PROM1: variants seen among roughly 807,000 people sequenced by gnomAD.
The protein encoded by PROM1 is prominin-1.
In PROM1, 105 loss-of-function variants were observed where a neutral mutation model predicts 116.9. That is an observed-to-expected ratio of 0.90 (90% CI 0.77 to 1.06). The LOEUF is 1.06. Among genes scored for constraint, PROM1 ranks in the 50% least tolerant of loss-of-function variants. PROM1 has a pLI of 0.00. For synonymous variants in PROM1, 393 were observed against 387.0 expected, an observed-to-expected ratio of 1.02 and a Z score of -0.18; for missense variants, 1,122 against 1,045.2, an observed-to-expected ratio of 1.07 and a Z score of -1.01.
intron 2 of PROM1, among the ~76,000 whole-genome samples, chr4:16,062,300 A>G (rs141884588): frequency 1.3e-5 from 2 of 152,328 alleles, no homozygotes; most frequent in Admixed American, 1.3e-4. Flanking sequence ...GTTTCTAAAT[A>G]AAGTCACATC....
chr4:16,080,408 G>T (rs544507620), intron 1 of PROM1, among the ~76,000 whole-genome samples: 1 of 151,924 alleles, frequency 6.6e-6, no homozygotes, highest in South Asian at 2.1e-4. Context: ...TGTAGTCCCA[G>T]CTACTCGGGA....
intron 8 of PROM1, among the ~76,000 whole-genome samples, chr4:16,022,513 G>A (rs2677791): frequency 0.15 from 23,201 of 152,114 alleles, 1,963 homozygotes; most frequent in African/African-American, 0.22. Context: ...CTCAGTTGTT[G>A]AACTATAAGG....
Position 15,987,675 on chromosome 4 carries a change from C to T in PROM1, c.2118G>A (p.Gly706=). 1 of 1,611,352 alleles carries T rather than the reference C, an allele frequency of 6.2e-7. No individual in the cohort carries two copies. Among genetic ancestry groups the T allele is most frequent in the Non-Finnish European group, 8.5e-7 (1 of 1,178,980 alleles). ...YQSVKILQRT[G]NGLLERVTRI... is the part of the protein sequence containing the mutation. ...AGTAAACCCTTACCAACAATCCATT[C>T]CCTGTGCGTTGAAGTATCTTGACGC... The change falls in exon 20 of 28, where the codon GGG becomes GGA. Residue 706 remains glycine, a synonymous_variant. Coordinates refer to ENST00000447510, the MANE Select transcript of PROM1 (RefSeq NM_006017.3).
At chr4:16,021,580 T>G (rs945412969) in intron 8 of PROM1, among the ~76,000 whole-genome samples, 1 of 152,200 alleles carries the variant, frequency 6.6e-6, no homozygotes, top group Non-Finnish European at 1.5e-5. Flanking sequence ...AAAGATCTTG[T>G]TCAATATTGC....
At chr4:16,065,114 G>C (rs1016183717) in intron 2 of PROM1, among the ~76,000 whole-genome samples, 4 of 152,114 alleles carry the variant, frequency 2.6e-5, no homozygotes, top group Admixed American at 6.5e-5. Context: ...CCTTCATGTT[G>C]CTTTGGCAGG....
chr4:16,040,065 G>A (rs943546749), intron 2 of PROM1, among the ~76,000 whole-genome samples: 1 of 152,162 alleles, frequency 6.6e-6, no homozygotes, highest in Non-Finnish European at 1.5e-5. Context: ...AGGAGCTTCT[G>A]CAGTGCTATC....
At chr4:16,055,452 A>G (rs374687158) in intron 2 of PROM1, 18 of 455,948 alleles carry the variant, frequency 3.9e-5, no homozygotes, top group African/African-American at 1.2e-4. Flanking sequence ...GTTCTCATCT[A>G]CAAAATGGAA....
intron 10 of PROM1, among the ~76,000 whole-genome samples, chr4:16,014,211 T>C (rs1560486204): frequency 6.6e-6 from 1 of 152,242 alleles, no homozygotes; most frequent in East Asian, 1.9e-4. Context: ...ATAAGACTTA[T>C]GGTGCCAGCC....
At chr4:16,044,739 A>G (rs1256261762) in intron 2 of PROM1, among the ~76,000 whole-genome samples, 2 of 152,232 alleles carry the variant, frequency 1.3e-5, no homozygotes, top group Non-Finnish European at 2.9e-5. Context: ...TTAAAATGCA[A>G]CTATAATTGT....
At chr4:16,062,281 G>A (rs377355403) in intron 2 of PROM1, among the ~76,000 whole-genome samples, 3 of 152,136 alleles carry the variant, frequency 2.0e-5, no homozygotes, top group Non-Finnish European at 2.9e-5. Context: ...TTTCATCTGC[G>A]ACAACCTTGT....
chr4:16,054,290 C>G (rs751015686), intron 2 of PROM1, among the ~76,000 whole-genome samples: 1 of 152,148 alleles, frequency 6.6e-6, no homozygotes, highest in African/African-American at 2.4e-5. Flanking sequence ...ACCCCTTTTA[C>G]GCGGCCTCCA....
intron 11 of PROM1, among the ~76,000 whole-genome samples, 193 bp downstream of exon 11, chr4:16,013,082 T>C (rs995408893): frequency 7.2e-5 from 11 of 152,180 alleles, no homozygotes; most frequent in South Asian, 4.1e-4. Flanking sequence ...TGTTTATCAG[T>C]GTTCAATAAC....
chr4:16,081,935 A>T (rs1745122700), intron 1 of PROM1, among the ~76,000 whole-genome samples: 2 of 151,700 alleles, frequency 1.3e-5, no homozygotes, highest in South Asian at 4.2e-4. Flanking sequence ...GAATAAACTA[A>T]AGGGCACTGC....
At chr4:16,082,433 T>A (rs939569661) in intron 1 of PROM1, 1 of 152,076 alleles carries the variant, frequency 6.6e-6, no homozygotes. Flanking sequence ...CCAGCAAACC[T>A]TTCTCCAGAA....
chr4:16,042,754 C>T (rs906345287), intron 2 of PROM1, among the ~76,000 whole-genome samples: 2 of 152,072 alleles, frequency 1.3e-5, no homozygotes, highest in African/African-American at 4.8e-5. Context: ...GAAAAATATC[C>T]ACAATTATCT....
intron 2 of PROM1, among the ~76,000 whole-genome samples, chr4:16,044,325 C>T (rs1219329082): frequency 6.6e-6 from 1 of 152,186 alleles, no homozygotes. Flanking sequence ...AACTTAAAAT[C>T]CCCTGTTGTT....
At chr4:16,015,961 C>A (rs1211972990) in intron 10 of PROM1, among the ~76,000 whole-genome samples, 5 of 152,088 alleles carry the variant, frequency 3.3e-5, no homozygotes, top group Non-Finnish European at 5.9e-5. Context: ...TCTTAGCATG[C>A]CACTTCACAC....
intron 2 of PROM1, among the ~76,000 whole-genome samples, chr4:16,044,357 G>A (rs138804782): frequency 3.3e-5 from 5 of 152,330 alleles, no homozygotes; most frequent in Admixed American, 2.6e-4. Flanking sequence ...TATCAGATTT[G>A]TGCCAAGCTT....
In PROM1 at chr4:15,992,228, C is replaced by T; in HGVS notation, c.1911+20G>A. ...CTTTAATTTCTCCTAAAGGATCAAG[C>T]ATGAACACATGCGCCATACCTGAGC... On this transcript the variant is annotated intron_variant, in intron 17 of 27. Coordinates refer to ENST00000447510, the MANE Select transcript of PROM1 (RefSeq NM_006017.3). 6.2e-7 allele frequency: 1 copy of T among 1,612,446 alleles called. No individual in the cohort carries two copies. The highest frequency in any genetic ancestry group is 8.5e-7 in the Non-Finnish European group (1 of 1,179,492).
Sources: gnomAD v4.1 joint callset for allele counts (sites outside exome capture counted in the v4.1 genomes callset) on GRCh38, gnomAD v4.1.1 for gene constraint, MANE v1.5 for transcripts, NCBI Gene and HGNC (gene_info 2026-07-23, HGNC 2026-07-21) for gene names.